Variants in NOS1 observed in about 807,000 individuals in gnomAD.
The protein encoded by NOS1 is NOS type I.
A neutral mutation model predicts 164.5 loss-of-function variants in NOS1; 51 were observed. That is an observed-to-expected ratio of 0.31 (90% CI 0.25 to 0.39). The LOEUF (loss-of-function observed/expected upper bound fraction) is 0.39, where lower values mean the gene tolerates loss of function less well. Ranked by LOEUF, NOS1 falls within the 10% of genes least tolerant of loss-of-function variation. The probability of loss-of-function intolerance (pLI) is 1.00; values close to 1 mark genes in which losing one functional copy is unlikely to be tolerated. For synonymous variants in NOS1, 719 were observed against 745.8 expected, an observed-to-expected ratio of 0.96 and a Z score of 0.59; for missense variants, 1,362 against 1,885.6, an observed-to-expected ratio of 0.72 and a Z score of 5.14.
At chr12:117,230,560 A>G (rs1278472776) in intron 22 of NOS1, among the ~76,000 whole-genome samples, 1 of 152,166 alleles carries the variant, frequency 6.6e-6, no homozygotes, top group Non-Finnish European at 1.5e-5. Context: ...ACGGCAGAAG[A>G]AAGCTAAGCC....
intron 1 of NOS1, among the ~76,000 whole-genome samples, chr12:117,359,971 A>ACTTCATAT (rs1442525651): frequency 7.5e-5 from 9 of 120,484 alleles, no homozygotes; most frequent in African/African-American, 2.8e-4. Flanking sequence ...GCTTACCCTG[A>ACTTCATAT]CTTCATATTC....
Position 117,330,260 on chromosome 12 carries a change from G to A in NOS1, c.725+85C>T. The stretch of plus-strand genomic sequence containing the variant: ...GCCCAGGTTGGCTTCTGGGCTATGA[G>A]GCTGAGTCTCAGTAGACGCACATGC... On this transcript the variant is annotated intron_variant, in intron 2 of 28. Transcript: ENST00000317775. The surrounding 1 kb of genome is among the most constrained non-coding windows in gnomAD (Gnocchi z 4.6). 1.3e-6 allele frequency: 2 copies of A among 1,494,958 alleles called. No individual in the cohort carries two copies. The highest frequency in any genetic ancestry group is 2.8e-5 in the South Asian group (2 of 71,074). 92.6% of individuals were successfully genotyped at this position (1,494,958 alleles called of 1,614,324 possible).
chr12:117,266,830 G>A (rs1313045164), intron 11 of NOS1, among the ~76,000 whole-genome samples: 2 of 152,088 alleles, frequency 1.3e-5, no homozygotes, highest in East Asian at 1.9e-4. Context: ...GAGCCACGGC[G>A]CCTGGCTAGT....
rs1230130342 is a variant in NOS1, at chr12:117,220,240, C to T, written c.4005G>A (p.Gln1335=). 3 of 1,611,794 alleles carry T rather than the reference C, an allele frequency of 1.9e-6. No homozygotes were observed. Among genetic ancestry groups the T allele is most frequent in the African/African-American group, 2.7e-5 (2 of 75,048 alleles). Residue 1335 remains glutamine (Q), a synonymous_variant, in exon 27 of 29, where the codon CAG becomes CAA. Transcript: ENST00000317775. The stretch of plus-strand genomic sequence containing the variant: ...GGGCTCGGTACACAGACTCCGCCAG[C>T]TGCTCCTGCAGGATGTCCTGCACGT... ...KKYVQDILQE[Q]LAESVYRALK... is the part of the protein sequence containing the mutation.
At chr12:117,291,558 G>C (rs893707406) in intron 3 of NOS1, among the ~76,000 whole-genome samples, 4 of 105,726 alleles carry the variant, frequency 3.8e-5, no homozygotes, top group Admixed American at 2.9e-4. Flanking sequence ...TTTTGAGATA[G>C]GGTCTTGCTC....
intron 15 of NOS1, among the ~76,000 whole-genome samples, 155 bp from the exon 16 acceptor site, chr12:117,258,610 T>C (rs1871648219): frequency 6.6e-6 from 1 of 152,130 alleles, no homozygotes; most frequent in Non-Finnish European, 1.5e-5. Flanking sequence ...TGGACAGTAA[T>C]GCCTGGGCTA....
At chr12:117,231,694 CAGA>C in intron 22 of NOS1, among the ~76,000 whole-genome samples, 1 of 152,180 alleles carries the variant, frequency 6.6e-6, no homozygotes, top group East Asian at 1.9e-4. Flanking sequence ...CTCAAGGTTC[CAGA>C]AGAAGACAGA....
intron 24 of NOS1, 91 bp from the exon 25 acceptor site, chr12:117,225,228 G>T: frequency 6.7e-7 from 1 of 1,499,714 alleles, no homozygotes; most frequent in Non-Finnish European, 9.0e-7. Context: ...GCCATCTTCG[G>T]TAGACATACA....
intron 1 of NOS1, among the ~76,000 whole-genome samples, chr12:117,336,056 G>A (rs1314682815): frequency 1.3e-5 from 2 of 152,216 alleles, no homozygotes; most frequent in African/African-American, 2.4e-5. Flanking sequence ...AGGCAGATGA[G>A]GTTCAGGGAC....
chr12:117,289,003 G>A (rs755695766), intron 4 of NOS1, among the ~76,000 whole-genome samples: 12 of 152,218 alleles, frequency 7.9e-5, no homozygotes, highest in Middle Eastern at 3.4e-3. Context: ...CAGCCAATCC[G>A]TAGACTTTTG....
At chr12:117,325,953 A>G (rs1875224210) in intron 2 of NOS1, among the ~76,000 whole-genome samples, 1 of 152,260 alleles carries the variant, frequency 6.6e-6, no homozygotes, top group African/African-American at 2.4e-5. Flanking sequence ...ATGGCATTAT[A>G]TTAGATTTTA....
In NOS1 at chr12:117,311,098, T is replaced by G. The variant is rs887844620; in HGVS notation, c.852+368A>C. On this transcript the variant is annotated intron_variant, in intron 3 of 28. Coordinates refer to ENST00000317775, the MANE Select transcript of NOS1 (RefSeq NM_000620.5). ...TCAGGCTGGTCTTGAACTCTGGACC[T>G]CAAGCTATCCTCCGCCTTGGCCTCC... 2.0e-5 allele frequency among the ~76,000 whole-genome samples: 3 copies of G among 152,222 alleles called. No homozygotes were observed. In the East Asian group the frequency reaches 5.8e-4, roughly 29 times the overall value.
intron 22 of NOS1, among the ~76,000 whole-genome samples, chr12:117,230,084 T>A (rs2135937971): frequency 6.6e-6 from 1 of 152,296 alleles, no homozygotes; most frequent in Middle Eastern, 3.4e-3. Flanking sequence ...GACGCCCAGC[T>A]AATTTAATTT....
chr12:117,338,330 G>A (rs895408161), intron 1 of NOS1, among the ~76,000 whole-genome samples: 1 of 152,048 alleles, frequency 6.6e-6, no homozygotes, highest in African/African-American at 2.4e-5. Context: ...GAGCCTGGGA[G>A]GTTGAGGCTA....
rs71444621 is a variant in NOS1 at position 117,352,176 on chromosome 12, AATACATACATAC to A, written c.-421+9324_-421+9335del. 8.3e-3 allele frequency among the ~76,000 whole-genome samples: 1,237 copies of A among 149,222 alleles called. 28 individuals carry two copies. Among genetic ancestry groups the A allele is most frequent in the South Asian group, 0.033 (151 of 4,602 alleles). On this transcript the variant is annotated intron_variant, in intron 1 of 28. Transcript: ENST00000317775. ...TGACAGAGTAAGACGCTGTCTCAGA[AATACATACATAC>A]ATACATACATACATACATACATACA...
chr12:117,301,728 A>G (rs1256740163), intron 3 of NOS1, among the ~76,000 whole-genome samples: 1 of 152,138 alleles, frequency 6.6e-6, no homozygotes, highest in Non-Finnish European at 1.5e-5. Flanking sequence ...CATTGATTTC[A>G]ATGAGTGACA....
At position 117,243,464 on chromosome 12, in the gene NOS1, C is replaced by T. The variant is rs781431990; in HGVS notation, c.2824-29G>A. 1 of 1,610,714 alleles carries T rather than the reference C, an allele frequency of 6.2e-7. No individual in the cohort carries two copies. ...TGGTGTACACAAGGCTTTCAGTGACCTCTTTCAGCCAAGCGGATCTCCTCT... is the reference window on the plus strand; with the variant it reads ...TGGTGTACACAAGGCTTTCAGTGACTTCTTTCAGCCAAGCGGATCTCCTCT... On this transcript the variant is annotated intron_variant, in intron 18 of 28. Coordinates refer to ENST00000317775, the MANE Select transcript of NOS1 (RefSeq NM_000620.5). This position sits in a 1 kb window ranked among gnomAD's most constrained non-coding sequence, Gnocchi z 4.3.
chr12:117,222,825 G>A lies in NOS1; in HGVS notation c.3865C>T (p.Arg1289Trp). The change falls in exon 26 of 29, where the codon CGG becomes TGG. Residue 1289 changes from arginine (R) to tryptophan (W), a missense_variant. Arg to Trp is a moderately radical substitution (Grantham distance 101, BLOSUM62 -3). Coordinates refer to ENST00000317775, the MANE Select transcript of NOS1 (RefSeq NM_000620.5). ...TAGATATGATCTATCTTGGATTGCC[G>A]GCACCCGAAGACCAGGACCATGGGG... is the stretch of plus-strand genomic sequence containing the variant. ...PCPMVLVFGC[R>W]QSKIDHIYRE... 9 of 1,613,910 alleles carry A rather than the reference G, an allele frequency of 5.6e-6. No homozygotes were observed. The highest frequency in any genetic ancestry group is 2.2e-5 in the East Asian group (1 of 44,844).
chr12:117,209,361 A>G lies in NOS1; in HGVS notation c.*5948T>C, dbSNP rs1956493558. 1.0e-5 allele frequency: 10 copies of G among 982,238 alleles called. No individual in the cohort carries two copies. The highest frequency in any genetic ancestry group is 6.1e-5 in the Admixed American group (1 of 16,286). 60.8% of individuals were successfully genotyped at this position (982,238 alleles called of 1,614,324 possible). On this transcript the variant is annotated 3_prime_UTR_variant, in exon 29 of 29. Coordinates refer to ENST00000317775, the MANE Select transcript of NOS1 (RefSeq NM_000620.5). ...CAGTACCCAAGACGGCCCCCACAAGAAAGAATTACCCAGCCCCAAATGCCA... is the reference window on the plus strand; with the variant it reads ...CAGTACCCAAGACGGCCCCCACAAGGAAGAATTACCCAGCCCCAAATGCCA...
Sources: gnomAD v4.1 joint callset for allele counts (sites outside exome capture counted in the v4.1 genomes callset) on GRCh38, gnomAD v4.1.1 for gene constraint, Gnocchi (gnomAD v3.1) non-coding constraint, MANE v1.5 for transcripts, NCBI Gene and HGNC (gene_info 2026-07-23, HGNC 2026-07-21) for gene names.